The following NUP214 variants were observed in gnomAD, a reference collection of about 807,000 sequenced individuals.
NUP214 encodes nuclear pore complex protein Nup214.
Under a neutral mutation model 196.2 loss-of-function variants are expected in NUP214, and 79 were observed. That is an observed-to-expected ratio of 0.40 (90% CI 0.34 to 0.49). The LOEUF is 0.49. NUP214 is among the 20% of genes least tolerant of loss of function. The pLI, the probability that NUP214 is intolerant of heterozygous loss-of-function variation, is 0.58. For synonymous variants in NUP214, 1,020 were observed against 990.5 expected (o/e 1.03, Z -0.56); for missense variants, 2,468 against 2,539.0 (o/e 0.97, Z 0.60).
At chr9:131,164,194 G>GGTGT (rs560811892) in intron 21 of NUP214, 50 bp downstream of exon 21, 14 of 1,562,644 alleles carry the variant, frequency 9.0e-6, no homozygotes, top group Non-Finnish European at 1.2e-5. Flanking sequence ...GGTGTGGTGG[G>GGTGT]GTGTGTGTGT....
rs1356953558 is a variant in NUP214 at position 131,222,814 on chromosome 9, C to T, written c.5786C>T (p.Thr1929Ile). Residue 1929 changes from threonine (T) to isoleucine (I), a missense_variant, in exon 32 of 36, where the codon ACA becomes ATA. By Grantham distance (89) the Thr-to-Ile change is moderately conservative. Transcript: ENST00000359428. ...SNLFGNSGAK[T>I]FGGFASSSFG... is the part of the protein sequence containing the mutation. ...CTATTTGGAAACAGTGGGGCCAAGA[C>T]ATTTGGTGGATTTGCCAGCTCGTCG... is the stretch of plus-strand genomic sequence containing the variant. The T allele has an allele frequency of 1.9e-6, 3 of 1,614,066 alleles. No individual in the cohort carries two copies. The highest frequency in any genetic ancestry group is 2.7e-5 in the African/African-American group (2 of 74,942).
chr9:131,210,638 C>T (rs7851123), intron 30 of NUP214, among the ~76,000 whole-genome samples: 1 of 149,118 alleles, frequency 6.7e-6, no homozygotes, highest in Non-Finnish European at 1.5e-5. Context: ...AAAAAAAAAA[C>T]AAAAACGCAA....
chr9:131,137,056 G>C (rs966404803), intron 9 of NUP214, among the ~76,000 whole-genome samples: 4 of 152,280 alleles, frequency 2.6e-5, no homozygotes, highest in Non-Finnish European at 5.9e-5. Flanking sequence ...ATTGTCTAGG[G>C]GTGGCTGCTT....
intron 14 of NUP214, chr9:131,150,061 A>G (rs1832210598): frequency 3.3e-6 from 1 of 307,452 alleles, no homozygotes; most frequent in East Asian, 5.5e-5. Context: ...AAATTATCAG[A>G]TGTGTTTATA....
chr9:131,158,078 C>T (rs1208163728), intron 17 of NUP214, among the ~76,000 whole-genome samples: 3 of 151,612 alleles, frequency 2.0e-5, no homozygotes, highest in Non-Finnish European at 2.9e-5. Context: ...CCACCATGCC[C>T]GGCCTGATTT....
At chr9:131,164,760 C>T (rs1832737024) in intron 21 of NUP214, 1 of 152,096 alleles carries the variant, frequency 6.6e-6, no homozygotes, top group African/African-American at 2.4e-5. Context: ...ATTAAAAATA[C>T]TTACTTAAAA....
chr9:131,234,138 G>C lies in NUP214; in HGVS notation c.*651G>C, dbSNP rs1834953285. 1.3e-5 allele frequency: 3 copies of C among 233,514 alleles called. No individual in the cohort carries two copies. Among genetic ancestry groups the C allele is most frequent in the Non-Finnish European group, 2.5e-5 (3 of 118,372 alleles). The allele number at this position is 233,514 out of a possible 1,614,324, so 14.5% of individuals were successfully genotyped here. ...ACAGTGCTGCGCCTTAGCCGGCCTT[G>C]GCTCTCATCTCCATGTGGCTCTTGG... On this transcript the variant is annotated 3_prime_UTR_variant, in exon 36 of 36. Transcript: ENST00000359428.
At position 131,234,273 on chromosome 9, in the gene NUP214, A is replaced by T. The variant is rs1230978173; in HGVS notation, c.*786A>T. 1 of 232,732 alleles carries T rather than the reference A, an allele frequency of 4.3e-6. No homozygotes were observed. Among genetic ancestry groups the T allele is most frequent in the African/African-American group, 2.2e-5 (1 of 45,312 alleles). The allele number at this position is 232,732 out of a possible 1,614,324, so 14.4% of individuals were successfully genotyped here. On this transcript the variant is annotated 3_prime_UTR_variant, in exon 36 of 36. Transcript: ENST00000359428. ...TAGCCACACCTACCCAGTGTCTACT[A>T]ACCACAGTGCAGATAGCCCTTGGGT...
intron 11 of NUP214, among the ~76,000 whole-genome samples, chr9:131,141,936 T>G (rs7042097): frequency 0.27 from 41,387 of 152,028 alleles, 5,932 homozygotes; most frequent in East Asian, 0.42. Flanking sequence ...AGTTGGTTTG[T>G]ATAAGGTTAG....
chr9:131,225,909 G>A (rs1834706642), intron 32 of NUP214, among the ~76,000 whole-genome samples: 2 of 152,244 alleles, frequency 1.3e-5, no homozygotes, highest in Non-Finnish European at 2.9e-5. Context: ...GGAGAGGACA[G>A]GAGGAAGGTG....
intron 33 of NUP214, 172 bp downstream of exon 33, chr9:131,228,503 G>T (rs941186381): frequency 5.3e-6 from 3 of 566,150 alleles, no homozygotes; most frequent in Non-Finnish European, 8.6e-6. Context: ...GACTCATTTC[G>T]TTCAAGCCAG....
intron 17 of NUP214, among the ~76,000 whole-genome samples, chr9:131,154,120 A>G (rs1364051706): frequency 2.0e-5 from 3 of 152,210 alleles, no homozygotes; most frequent in Admixed American, 2.0e-4. Flanking sequence ...TACATTTGCT[A>G]CTAAGGTTAC....
chr9:131,128,573 C>T (rs1240019036), intron 3 of NUP214, 90 bp downstream of exon 3: 1 of 1,144,710 alleles, frequency 8.7e-7, no homozygotes, highest in Non-Finnish European at 1.2e-6. Flanking sequence ...CATAGGTTAA[C>T]CCTTGAAGTT....
chr9:131,212,680 G>A (rs1308084905), intron 30 of NUP214, among the ~76,000 whole-genome samples: 2 of 152,074 alleles, frequency 1.3e-5, no homozygotes. Context: ...ATTGTTTTTG[G>A]CAATATTGTA....
chr9:131,181,195 C>T (rs1196427849), intron 24 of NUP214, among the ~76,000 whole-genome samples: 1 of 152,006 alleles, frequency 6.6e-6, no homozygotes, highest in Non-Finnish European at 1.5e-5. Context: ...GAAGAAAGCT[C>T]CAAGCACAGG....
Position 131,204,112 on chromosome 9 carries a change from A to G in NUP214, c.5592+2395A>G, listed in dbSNP as rs145923438. 5.4e-3 allele frequency among the ~76,000 whole-genome samples: 816 copies of G among 152,338 alleles called. 8 individuals carry two copies. The highest frequency in any genetic ancestry group is 0.019 in the African/African-American group (782 of 41,568). On this transcript the variant is annotated intron_variant, in intron 30 of 35. Coordinates refer to ENST00000359428, the MANE Select transcript of NUP214 (RefSeq NM_005085.4). ...TCTTACAAGTAATTTCTGTCCCTCAATGAGACACACAAGGAAACCAGGAAC... is the reference window on the plus strand; with the variant it reads ...TCTTACAAGTAATTTCTGTCCCTCAGTGAGACACACAAGGAAACCAGGAAC...
intron 17 of NUP214, among the ~76,000 whole-genome samples, chr9:131,157,610 G>A (rs12351367): frequency 0.038 from 5,806 of 151,774 alleles, 290 homozygotes; most frequent in African/African-American, 0.12. Flanking sequence ...AATTACAGGC[G>A]TGCACCACCA....
At chr9:131,154,460 T>G (rs1234660771) in intron 17 of NUP214, among the ~76,000 whole-genome samples, 4 of 151,924 alleles carry the variant, frequency 2.6e-5, no homozygotes, top group Non-Finnish European at 5.9e-5. Context: ...ATCTATCTAT[T>G]TATTTATTCA....
In NUP214 at chr9:131,144,590, A is replaced by G; in HGVS notation, c.1605A>G (p.Ala535=). The G allele has an allele frequency of 6.2e-7, 1 of 1,613,946 alleles. No individual in the cohort carries two copies. The highest frequency in any genetic ancestry group is 8.5e-7 in the Non-Finnish European group (1 of 1,179,984). ...PSKASLAPTP[A]ASPVAPSAAS... is the part of the protein sequence containing the mutation. ...AAGCCTCCCTAGCCCCCACCCCTGC[A>G]GCGTCTCCTGTGGCTCCATCAGCTG... The change falls in exon 12 of 36, where the codon GCA becomes GCG. Residue 535 remains alanine (A), a synonymous_variant. Coordinates refer to ENST00000359428, the MANE Select transcript of NUP214 (RefSeq NM_005085.4).
Sources: gnomAD v4.1 joint callset for allele counts (sites outside exome capture counted in the v4.1 genomes callset) on GRCh38, gnomAD v4.1.1 for gene constraint, MANE v1.5 for transcripts, NCBI Gene and HGNC (gene_info 2026-07-23, HGNC 2026-07-21) for gene names.